Variants in CSMD1 observed in about 807,000 individuals in gnomAD.
The protein encoded by CSMD1 is CUB and Sushi multiple domains 1.
In CSMD1, 213 loss-of-function variants were observed where a neutral mutation model predicts 417.5. The observed-to-expected ratio is 0.51, with a 90% CI of 0.46 to 0.57. The LOEUF (loss-of-function observed/expected upper bound fraction) is 0.57. Ranked by LOEUF, CSMD1 falls within the 20% of genes least tolerant of loss-of-function variation. CSMD1 has a pLI of 0.00. For missense variants in CSMD1, 6,923 were observed against 4,529.7 expected (o/e 1.53, Z -15.17); for synonymous variants, 2,862 against 1,736.8 (o/e 1.65, Z -16.11).
At chr8:4,082,329 CT>C (rs1304145687) in intron 3 of CSMD1, among the ~76,000 whole-genome samples, 2 of 152,056 alleles carry the variant, frequency 1.3e-5, no homozygotes, top group African/African-American at 2.4e-5. Flanking sequence ...ATATTACAAA[CT>C]TTTTTAAAGT....
chr8:3,335,124 A>G (rs1807169342), intron 23 of CSMD1, among the ~76,000 whole-genome samples: 2 of 152,132 alleles, frequency 1.3e-5, no homozygotes, highest in South Asian at 4.2e-4. Flanking sequence ...CCTGCAGTCA[A>G]TGGTGGTTGG....
Position 3,393,471 on chromosome 8 carries a change from G to A in CSMD1, c.2593+2723C>T, listed in dbSNP as rs143891570. Among the ~76,000 whole-genome samples the A allele has an allele frequency of 4.6e-3, 707 of 152,236 alleles. 4 individuals are homozygous for A. The highest frequency in any genetic ancestry group is 7.5e-3 in the Non-Finnish European group (508 of 68,022). On this transcript the variant is annotated intron_variant, in intron 17 of 69. Transcript: ENST00000635120. ...TTTTCTTCTTCTTTTTAGGGATGGAGAGAAAGAAAAATGGCATTTTTTTCA... is the reference window on the plus strand; with the variant it reads ...TTTTCTTCTTCTTTTTAGGGATGGAAAGAAAGAAAAATGGCATTTTTTTCA...
At chr8:3,627,221 C>G (rs1327959806) in intron 7 of CSMD1, among the ~76,000 whole-genome samples, 3 of 152,098 alleles carry the variant, frequency 2.0e-5, no homozygotes, top group African/African-American at 7.2e-5. Context: ...ATTGAGAGAA[C>G]TGAGTTTAAG....
chr8:4,032,643 A>G (rs1381835076), intron 3 of CSMD1, among the ~76,000 whole-genome samples: 1 of 152,204 alleles, frequency 6.6e-6, no homozygotes, highest in Non-Finnish European at 1.5e-5. Flanking sequence ...TCATGCATTG[A>G]TCCATCAATG....
At chr8:4,910,157 T>C (rs1027069894) in intron 1 of CSMD1, among the ~76,000 whole-genome samples, 3 of 152,186 alleles carry the variant, frequency 2.0e-5, no homozygotes, top group Non-Finnish European at 4.4e-5. Context: ...GCAGAACATA[T>C]ATTTCAAATT....
At chr8:3,443,188 G>T (rs1417361745) in intron 12 of CSMD1, among the ~76,000 whole-genome samples, 1 of 152,102 alleles carries the variant, frequency 6.6e-6, no homozygotes, top group African/African-American at 2.4e-5. Flanking sequence ...AATGTGAGAG[G>T]ATACACGCAC....
At chr8:3,406,481 A>G (rs982937834) in intron 14 of CSMD1, among the ~76,000 whole-genome samples, 5 of 152,176 alleles carry the variant, frequency 3.3e-5, no homozygotes, top group African/African-American at 1.2e-4. Context: ...CACTTTTCAT[A>G]GGAGCTTAGA....
chr8:4,612,000 T>G (rs906365342), intron 2 of CSMD1, among the ~76,000 whole-genome samples: 1 of 152,144 alleles, frequency 6.6e-6, no homozygotes, highest in East Asian at 1.9e-4. Context: ...AGGTCTGAAA[T>G]AGTCAAATTT....
chr8:3,526,623 T>C (rs987281246), intron 10 of CSMD1, among the ~76,000 whole-genome samples: 3 of 152,134 alleles, frequency 2.0e-5, no homozygotes, highest in African/African-American at 7.2e-5. Flanking sequence ...TAGTAAATAA[T>C]TTTTCCAAGG....
intron 3 of CSMD1, among the ~76,000 whole-genome samples, chr8:4,178,523 G>C (rs1218842134): frequency 6.6e-6 from 1 of 151,026 alleles, no homozygotes; most frequent in Non-Finnish European, 1.5e-5. Context: ...ACTGGCACAA[G>C]ACAGGGATGC....
intron 26 of CSMD1, among the ~76,000 whole-genome samples, chr8:3,280,566 A>G (rs1167111484): frequency 1.3e-5 from 2 of 152,202 alleles, no homozygotes; most frequent in Non-Finnish European, 2.9e-5. Flanking sequence ...TTATACCAGA[A>G]TTTGGATTTA....
intron 4 of CSMD1, among the ~76,000 whole-genome samples, chr8:4,024,260 AG>A (rs1475975057): frequency 6.6e-6 from 1 of 152,222 alleles, no homozygotes; most frequent in East Asian, 1.9e-4. Context: ...GTGTCAATTG[AG>A]AAAGTTCACA....
chr8:3,598,775 T>C (rs1171342898), intron 8 of CSMD1, among the ~76,000 whole-genome samples: 5 of 152,040 alleles, frequency 3.3e-5, no homozygotes, highest in African/African-American at 7.2e-5. Flanking sequence ...GAACAGCAGA[T>C]ACAAAGCACA....
intron 22 of CSMD1, among the ~76,000 whole-genome samples, chr8:3,345,150 C>T (rs1231460356): frequency 1.3e-5 from 2 of 152,086 alleles, no homozygotes; most frequent in Admixed American, 6.5e-5. Flanking sequence ...CAGTGAAGCC[C>T]CTGCTGGGTC....
At chr8:3,417,762 T>C (rs144425969) in intron 12 of CSMD1, among the ~76,000 whole-genome samples, 28 of 152,298 alleles carry the variant, frequency 1.8e-4, no homozygotes, top group African/African-American at 6.7e-4. Context: ...ATCCCTAAAC[T>C]AATTGATATA....
At chr8:3,556,415 T>TATATATATATATATATATACACATA (rs1799148435) in intron 10 of CSMD1, among the ~76,000 whole-genome samples, 3 of 57,124 alleles carry the variant, frequency 5.3e-5, no homozygotes, top group Admixed American at 1.4e-4. Context: ...ATATATATAT[T>TATATATATATATATATATACACATA]CACACACACA....
chr8:4,548,854 G>A (rs2130552685), intron 2 of CSMD1, among the ~76,000 whole-genome samples: 1 of 152,200 alleles, frequency 6.6e-6, no homozygotes, highest in South Asian at 2.1e-4. Context: ...GACATGTGAT[G>A]CGCGCAGGAG....
intron 11 of CSMD1, among the ~76,000 whole-genome samples, chr8:3,486,212 A>T (rs1036853226): frequency 1.3e-5 from 2 of 152,228 alleles, no homozygotes; most frequent in African/African-American, 4.8e-5. Flanking sequence ...GACAGCGATG[A>T]TAACTATAGT....
intron 2 of CSMD1, among the ~76,000 whole-genome samples, chr8:4,553,829 G>A (rs1192308066): frequency 2.0e-5 from 3 of 152,174 alleles, no homozygotes; most frequent in Non-Finnish European, 2.9e-5. Context: ...CAAGGGACAT[G>A]ATTGGGTTAG....
Sources: gnomAD v4.1 joint callset for allele counts (sites outside exome capture counted in the v4.1 genomes callset) on GRCh38, gnomAD v4.1.1 for gene constraint, MANE v1.5 for transcripts, NCBI Gene and HGNC (gene_info 2026-07-23, HGNC 2026-07-21) for gene names.